SEL1L2: variants seen among roughly 807,000 people sequenced by gnomAD.
SEL1L2 encodes the protein protein sel-1 homolog 2.
A neutral mutation model predicts 98.8 loss-of-function variants in SEL1L2; 89 were observed. That is an observed-to-expected ratio of 0.90 (90% CI 0.76 to 1.07). SEL1L2 has a LOEUF of 1.07. SEL1L2 is among the 50% of genes least tolerant of loss of function. The pLI is 0.00. For missense variants in SEL1L2, 788 were observed against 812.0 expected, an observed-to-expected ratio of 0.97 and a Z score of 0.36; for synonymous variants, 262 against 278.5, an observed-to-expected ratio of 0.94 and a Z score of 0.59.
chr20:13,910,839 G>T (rs1251906698), intron 5 of SEL1L2, among the ~76,000 whole-genome samples: 1 of 152,214 alleles, frequency 6.6e-6, no homozygotes, highest in African/African-American at 2.4e-5. Flanking sequence ...CTAGCTAGAT[G>T]TAACTGGCTA....
At chr20:13,866,626 A>G in intron 15 of SEL1L2, 76 bp downstream of exon 15, 2 of 1,193,596 alleles carry the variant, frequency 1.7e-6, no homozygotes, top group Admixed American at 3.0e-5. Flanking sequence ...AAAGACACCA[A>G]CAATTTAAGA....
Position 13,850,210 on chromosome 20 carries a change from C to A in SEL1L2, c.1928G>T (p.Arg643Leu), listed in dbSNP as rs531215174. ...ACTTACATTAAAAAACAGGATATCC[C>A]GGAGCAAATGCGTAGTTTCCAGTTT... ...VMKLETTHLLRDILFFNFTTR... is the reference protein window; with the variant it reads ...VMKLETTHLLLDILFFNFTTR... Residue 643 changes from arginine to leucine, a missense_variant, in exon 19 of 20, where the codon CGG becomes CTG. Coordinates refer to ENST00000284951, the MANE Select transcript of SEL1L2 (RefSeq NM_025229.2). The A allele has an allele frequency of 6.8e-6, 11 of 1,613,830 alleles. No individual in the cohort carries two copies. Among genetic ancestry groups the A allele is most frequent in the Admixed American group, 1.7e-5 (1 of 60,010 alleles).
chr20:13,932,249 T>C (rs1234594728), intron 2 of SEL1L2, among the ~76,000 whole-genome samples: 1 of 152,102 alleles, frequency 6.6e-6, no homozygotes, highest in East Asian at 1.9e-4. Context: ...CAATTAATCT[T>C]TTTTAAGTAG....
At chr20:13,967,791 T>C (rs2051117696) in intron 1 of SEL1L2, among the ~76,000 whole-genome samples, 2 of 152,160 alleles carry the variant, frequency 1.3e-5, no homozygotes, top group South Asian at 2.1e-4. Flanking sequence ...AACACCTTGG[T>C]TCCCTAGAGA....
Position 13,871,401 on chromosome 20 carries a change from G to C in SEL1L2, c.1105-1198C>G, listed in dbSNP as rs80354724. Among the ~76,000 whole-genome samples the C allele has an allele frequency of 4.3e-3, 657 of 152,258 alleles. 27 individuals are homozygous for C. In the East Asian group the frequency reaches 0.1, roughly 24 times the overall value. ...TTAGCATATCAATTTTGGATGAAGA[G>C]TGAACCTTGAAAGTGACTTACTCAA... On this transcript the variant is annotated intron_variant, in intron 12 of 19. Transcript: ENST00000284951.
At chr20:13,855,923 G>A (rs1272300829) in intron 18 of SEL1L2, among the ~76,000 whole-genome samples, 1 of 152,186 alleles carries the variant, frequency 6.6e-6, no homozygotes, top group African/African-American at 2.4e-5. Context: ...CAAATCTTTG[G>A]TGAACAGAGT....
At chr20:13,938,531 T>C (rs1383418157) in intron 2 of SEL1L2, among the ~76,000 whole-genome samples, 3 of 152,204 alleles carry the variant, frequency 2.0e-5, no homozygotes, top group Non-Finnish European at 2.9e-5. Flanking sequence ...ACAAGAAACT[T>C]TGAGTACATG....
intron 2 of SEL1L2, among the ~76,000 whole-genome samples, chr20:13,954,236 A>C (rs1374863774): frequency 6.6e-6 from 1 of 152,172 alleles, no homozygotes; most frequent in Non-Finnish European, 1.5e-5. Flanking sequence ...AGATAACCAG[A>C]ATTTGCCAAG....
At position 13,944,209 on chromosome 20, in the gene SEL1L2, A is replaced by C. The variant is rs533768648; in HGVS notation, c.114+11867T>G. ...GACTGGAATAGGGTGAGTAATGGGG[A>C]GTATGGTCAGAGCTCAGAGAAACAG... On this transcript the variant is annotated intron_variant, in intron 2 of 19. Transcript: ENST00000284951. Among the ~76,000 whole-genome samples the C allele has an allele frequency of 2.0e-5, 3 of 152,252 alleles. No homozygotes were observed. In the South Asian group the frequency reaches 6.2e-4, roughly 32 times the overall value.
At chr20:13,889,178 C>T (rs973886960) in intron 5 of SEL1L2, among the ~76,000 whole-genome samples, 2 of 151,368 alleles carry the variant, frequency 1.3e-5, no homozygotes, top group Admixed American at 1.3e-4. Flanking sequence ...AGGCTGGTCT[C>T]AGCTGACCAG....
chr20:13,898,116 G>A (rs769306028), intron 5 of SEL1L2, among the ~76,000 whole-genome samples: 22 of 152,154 alleles, frequency 1.4e-4, no homozygotes, highest in Admixed American at 7.9e-4. Context: ...ATATGATCCA[G>A]CAATTCTACT....
chr20:13,991,144 C>T (rs1240473737), upstream of SEL1L2, among the ~76,000 whole-genome samples: 1 of 152,144 alleles, frequency 6.6e-6, no homozygotes, highest in East Asian at 1.9e-4. Flanking sequence ...AGACATCTCA[C>T]AAGTGGTACC....
At chr20:13,858,485 T>C (rs1471399781) in intron 18 of SEL1L2, among the ~76,000 whole-genome samples, 1 of 152,316 alleles carries the variant, frequency 6.6e-6, no homozygotes, top group Middle Eastern at 3.4e-3. Flanking sequence ...GGCTTCCTGA[T>C]GCATACACAG....
chr20:13,981,022 C>T (rs2051800014), intron 1 of SEL1L2, among the ~76,000 whole-genome samples: 1 of 152,166 alleles, frequency 6.6e-6, no homozygotes, highest in East Asian at 1.9e-4. Context: ...GCGGGTGGAT[C>T]ACCTGAGGTC....
chr20:13,953,518 A>G (rs757643872), intron 2 of SEL1L2, among the ~76,000 whole-genome samples: 1 of 152,184 alleles, frequency 6.6e-6, no homozygotes, highest in Non-Finnish European at 1.5e-5. Flanking sequence ...AGAGGGGGGA[A>G]TGAGACAGCC....
At chr20:13,912,800 C>G (rs998864827) in intron 5 of SEL1L2, among the ~76,000 whole-genome samples, 4 of 152,164 alleles carry the variant, frequency 2.6e-5, no homozygotes, top group African/African-American at 4.8e-5. Flanking sequence ...GAAGTACTAC[C>G]CCCATCTGGT....
At chr20:13,882,812 C>CTT (rs759286946) in intron 10 of SEL1L2, among the ~76,000 whole-genome samples, 3,513 of 107,098 alleles carry the variant, frequency 0.033, 170 homozygotes, top group Middle Eastern at 0.057. Context: ...GTCAATTTGT[C>CTT]TTTTTTTTTT....
At chr20:13,903,401 T>C (rs2047772809) in intron 5 of SEL1L2, among the ~76,000 whole-genome samples, 1 of 152,184 alleles carries the variant, frequency 6.6e-6, no homozygotes, top group Non-Finnish European at 1.5e-5. Flanking sequence ...TTTGGGTGTT[T>C]CTAGTATTTG....
chr20:13,918,080 C>T (rs1393483612), intron 4 of SEL1L2, among the ~76,000 whole-genome samples: 3 of 152,144 alleles, frequency 2.0e-5, no homozygotes, highest in East Asian at 1.9e-4. Flanking sequence ...TATGAGCCAC[C>T]GTGCTTGGCT....
Sources: gnomAD v4.1 joint callset for allele counts (sites outside exome capture counted in the v4.1 genomes callset) on GRCh38, gnomAD v4.1.1 for gene constraint, MANE v1.5 for transcripts, NCBI Gene and HGNC (gene_info 2026-07-23, HGNC 2026-07-21) for gene names.